NAV2: variants seen among roughly 807,000 people sequenced by gnomAD.
The protein encoded by NAV2 is neuron navigator 2, also known as helicase, APC down-regulated 1.
In NAV2, 54 loss-of-function variants were observed where a neutral mutation model predicts 223.2. The observed-to-expected ratio is 0.24, with a 90% CI of 0.19 to 0.30. NAV2 has a LOEUF of 0.30. NAV2 is among the 10% of genes least tolerant of loss of function. NAV2 has a pLI of 1.00. For missense variants in NAV2, 2,806 were observed against 3,147.5 expected (o/e 0.89, Z 2.60); for synonymous variants, 1,279 against 1,239.3 (o/e 1.03, Z -0.67).
rs202054391 is a variant in NAV2 at position 20,107,695 on chromosome 11, T to A, written c.6873T>A (p.Asp2291Glu). Residue 2291 changes from aspartate (D) to glutamate (E), a missense_variant, in exon 36 of 38, where the codon GAT (aspartate) becomes GAA (glutamate). By Grantham distance (45) the Asp-to-Glu change is conservative (BLOSUM62 2). Coordinates refer to ENST00000349880, the MANE Select transcript of NAV2 (RefSeq NM_145117.5). ...GGCTCTTCCTGTCATGCCCCATCGA[T>A]GTGGACGGCTCGAGAGTGTGGTTCA... Reference protein sequence around the residue: ...GPRLFLSCPIDVDGSRVWFTD... With the variant: ...GPRLFLSCPIEVDGSRVWFTD... The A allele has an allele frequency of 6.2e-6, 10 of 1,614,172 alleles. No homozygotes were observed. The Admixed American group carries it at 1.2e-4, about 19-fold the overall frequency.
intron 11 of NAV2, among the ~76,000 whole-genome samples, chr11:20,031,102 A>ACAGGAATGGTCCAATCCTCTTC (rs1423388910): frequency 6.6e-6 from 1 of 152,198 alleles, no homozygotes; most frequent in Non-Finnish European, 1.5e-5. Flanking sequence ...GGACCAGGAC[A>ACAGGAATGGTCCAATCCTCTTC]CAGGAATGGT....
intron 10 of NAV2, among the ~76,000 whole-genome samples, chr11:19,982,741 C>T (rs1278022065): frequency 6.6e-6 from 1 of 152,128 alleles, no homozygotes; most frequent in Admixed American, 6.5e-5. Context: ...TGAGATAACT[C>T]CAGTGAGAAT....
At chr11:20,037,168 C>T (rs113964247) in intron 12 of NAV2, among the ~76,000 whole-genome samples, 2 of 152,110 alleles carry the variant, frequency 1.3e-5, no homozygotes, top group African/African-American at 4.8e-5. Flanking sequence ...CCCCACCCCC[C>T]ATCTTTGGCG....
At chr11:19,661,657 G>A (rs1439017433) in intron 1 of NAV2, among the ~76,000 whole-genome samples, 1 of 152,186 alleles carries the variant, frequency 6.6e-6, no homozygotes, top group African/African-American at 2.4e-5. Flanking sequence ...GTGAAGGAGT[G>A]AGGAAATTGT....
chr11:20,093,548 G>A (rs1273993820), intron 29 of NAV2, among the ~76,000 whole-genome samples: 1 of 152,176 alleles, frequency 6.6e-6, no homozygotes, highest in Non-Finnish European at 1.5e-5. Context: ...CATTCAGCAT[G>A]TAAGGTACAG....
intron 10 of NAV2, among the ~76,000 whole-genome samples, chr11:19,969,845 C>T (rs2153425864): frequency 6.6e-6 from 1 of 151,722 alleles, no homozygotes; most frequent in Admixed American, 6.6e-5. Flanking sequence ...ACTCAGGAGG[C>T]TGAGGCAGGA....
At chr11:19,383,421 T>G (rs943182118) in intron 1 of NAV2, among the ~76,000 whole-genome samples, 4 of 152,308 alleles carry the variant, frequency 2.6e-5, no homozygotes, top group Middle Eastern at 3.4e-3. Flanking sequence ...AAGCAAGAGA[T>G]CATCTTTTAT....
intron 1 of NAV2, among the ~76,000 whole-genome samples, chr11:19,680,220 C>G (rs1565162186): frequency 6.6e-6 from 1 of 152,118 alleles, no homozygotes; most frequent in Non-Finnish European, 1.5e-5. Flanking sequence ...CTTTTCATCC[C>G]CCACCCCCCT....
chr11:19,549,133 C>G (rs1017598819), intron 1 of NAV2, among the ~76,000 whole-genome samples: 1 of 152,264 alleles, frequency 6.6e-6, no homozygotes, highest in Middle Eastern at 3.4e-3. Flanking sequence ...AAGGACATTT[C>G]TTATTGTCTT....
intron 37 of NAV2, among the ~76,000 whole-genome samples, chr11:20,115,065 A>G (rs1440254602): frequency 6.6e-6 from 1 of 152,166 alleles, no homozygotes; most frequent in Non-Finnish European, 1.5e-5. Flanking sequence ...TACTGTCTCT[A>G]TACAACACTT....
intron 1 of NAV2, among the ~76,000 whole-genome samples, chr11:19,552,894 T>TGG (rs1007024459): frequency 3.2e-5 from 1 of 31,358 alleles, no homozygotes; most frequent in African/African-American, 7.7e-5. Context: ...TGAGTGTGTG[T>TGG]GGGGGGGAAG....
At chr11:19,564,799 GTGAC>G (rs1461400611) in intron 1 of NAV2, among the ~76,000 whole-genome samples, 1 of 152,224 alleles carries the variant, frequency 6.6e-6, no homozygotes, top group Non-Finnish European at 1.5e-5. Flanking sequence ...AAGAGGTCGG[GTGAC>G]TTGCTCAGAG....
chr11:19,808,732 A>T (rs1286430439), intron 1 of NAV2, among the ~76,000 whole-genome samples: 3 of 152,102 alleles, frequency 2.0e-5, no homozygotes, highest in African/African-American at 7.2e-5. Flanking sequence ...TGCTGGTAAA[A>T]CCTGGCTTAT....
At chr11:19,995,958 G>T (rs1035705068) in intron 11 of NAV2, among the ~76,000 whole-genome samples, 1 of 152,164 alleles carries the variant, frequency 6.6e-6, no homozygotes, top group Non-Finnish European at 1.5e-5. Context: ...GGCAATGTCA[G>T]GTCATTTGGA....
At chr11:20,067,668 T>G (rs1183515885) in intron 20 of NAV2, among the ~76,000 whole-genome samples, 2 of 151,148 alleles carry the variant, frequency 1.3e-5, no homozygotes, top group Non-Finnish European at 2.9e-5. Flanking sequence ...TTTTTGTATT[T>G]TTAGTAGAGA....
At chr11:19,346,280 G>A (rs189977326), upstream of NAV2, among the ~76,000 whole-genome samples, 3 of 152,146 alleles carry the variant, frequency 2.0e-5, no homozygotes, top group Admixed American at 6.5e-5. Context: ...TGCTTGTGTC[G>A]GTCTGTGCCT....
rs1282915493 is a variant in NAV2, at chr11:20,082,920, A to G, written c.5326-87A>G. 20 of 1,259,694 alleles carry G rather than the reference A, an allele frequency of 1.6e-5. No individual in the cohort carries two copies. The East Asian group carries it at 4.9e-4, about 31-fold the overall frequency. 78.0% of individuals were successfully genotyped at this position (1,259,694 alleles called of 1,614,324 possible). A position where few individuals can be genotyped will look rare whatever the true frequency, so the allele number is the denominator to read the frequency against. ...TGGGGGGAAAAACATGGGAGAATTAATCGCTTTTTTGTGTGCATGTCTCTG... is the reference window on the plus strand; with the variant it reads ...TGGGGGGAAAAACATGGGAGAATTAGTCGCTTTTTTGTGTGCATGTCTCTG... On this transcript the variant is annotated intron_variant, in intron 25 of 37. Coordinates refer to ENST00000349880, the MANE Select transcript of NAV2 (RefSeq NM_145117.5).
chr11:19,842,071 A>G (rs57214296), intron 2 of NAV2, among the ~76,000 whole-genome samples: 39 of 152,304 alleles, frequency 2.6e-4, no homozygotes, highest in African/African-American at 9.1e-4. Context: ...TCTAACCACT[A>G]TGCTACGGCC....
intron 1 of NAV2, among the ~76,000 whole-genome samples, chr11:19,554,027 T>G (rs1256987544): frequency 6.6e-6 from 1 of 152,218 alleles, no homozygotes; most frequent in Non-Finnish European, 1.5e-5. Context: ...GACAGAGCAT[T>G]TCATACTGAA....
Sources: allele counts gnomAD v4.1 joint callset (sites outside exome capture counted in the v4.1 genomes callset), GRCh38; gene constraint gnomAD v4.1.1; transcripts MANE v1.5; gene names NCBI Gene and HGNC (gene_info 2026-07-23, HGNC 2026-07-21).